The following G2E3 variants were observed in gnomAD, a reference collection of about 807,000 sequenced individuals.
G2E3 encodes G2/M phase-specific E3 ubiquitin-protein ligase.
In G2E3, 35 loss-of-function variants were observed where a neutral mutation model predicts 92.8. That is an observed-to-expected ratio of 0.38 (90% CI 0.29 to 0.50). The LOEUF (loss-of-function observed/expected upper bound fraction) is 0.50, where lower values mean the gene tolerates loss of function less well. Ranked by LOEUF, G2E3 falls within the 20% of genes least tolerant of loss-of-function variation. G2E3 has a pLI of 0.94. For missense variants in G2E3, 554 were observed against 823.8 expected (o/e 0.67, Z 4.01); for synonymous variants, 242 against 272.4 (o/e 0.89, Z 1.10).
At position 30,592,333 on chromosome 14, in the gene G2E3, T is replaced by C. The variant is rs1881056637; in HGVS notation, c.248T>C (p.Val83Ala). Residue 83 changes from valine (V) to alanine (A), a missense_variant, in exon 5 of 15, where the codon GTT becomes GCT. Coordinates refer to ENST00000206595, the MANE Select transcript of G2E3 (RefSeq NM_017769.5). ...VNRASKLKCC[V>A]CKKNGASIGC... is the part of the protein sequence containing the mutation. Reference sequence around the variant, plus strand: ...CACATACTCTTCTAGAAATGCTGTGTTTGCAAGAAAAATGGTGCTTCAATT... The same window carrying C: ...CACATACTCTTCTAGAAATGCTGTGCTTGCAAGAAAAATGGTGCTTCAATT... The C allele has an allele frequency of 6.2e-7, 1 of 1,612,774 alleles. No homozygotes were observed. Among genetic ancestry groups the C allele is most frequent in the Non-Finnish European group, 8.5e-7 (1 of 1,179,206 alleles).
At chr14:30,590,298 C>G (rs1009171353) in intron 4 of G2E3, among the ~76,000 whole-genome samples, 1 of 152,024 alleles carries the variant, frequency 6.6e-6, no homozygotes, top group Non-Finnish European at 1.5e-5. Context: ...GAAAGATTAT[C>G]CCATAAATGC....
At position 30,569,741 on chromosome 14, in the gene G2E3, AG is replaced by A. The variant is rs529230723; in HGVS notation, c.-5+10477del. ...AGTCAGGGTTAGGACCAGCTGGTGA[AG>A]GGGGGGGATTATATTACTTACTATC... On this transcript the variant is annotated intron_variant, in intron 1 of 14. Transcript: ENST00000206595. Among the ~76,000 whole-genome samples the A allele has an allele frequency of 9.2e-4, 140 of 151,866 alleles. 1 individual carries two copies. Among genetic ancestry groups the A allele is most frequent in the East Asian group, 8.1e-3 (42 of 5,158 alleles).
chr14:30,597,856 T>A (rs1301233909), intron 7 of G2E3, among the ~76,000 whole-genome samples: 1 of 152,248 alleles, frequency 6.6e-6, no homozygotes, highest in Non-Finnish European at 1.5e-5. Context: ...AGAATTTTTT[T>A]AATACTTAAA....
intron 1 of G2E3, among the ~76,000 whole-genome samples, chr14:30,577,240 A>G (rs1050765686): frequency 4.0e-5 from 6 of 148,328 alleles, no homozygotes; most frequent in Non-Finnish European, 7.4e-5. Flanking sequence ...AAAAAAAAAA[A>G]AAAGAAAAAG....
intron 10 of G2E3, among the ~76,000 whole-genome samples, 180 bp from the exon 11 acceptor site, chr14:30,605,325 T>C (rs545923293): frequency 6.6e-5 from 10 of 152,196 alleles, no homozygotes; most frequent in Non-Finnish European, 1.5e-4. Context: ...AAAACTAAGA[T>C]TATCAAATAA....
rs1189240379 is a variant in G2E3 at position 30,618,011 on chromosome 14, C to T, written c.*1477C>T. On this transcript the variant is annotated 3_prime_UTR_variant, in exon 15 of 15. Coordinates refer to ENST00000206595, the MANE Select transcript of G2E3 (RefSeq NM_017769.5). Reference sequence around the variant, plus strand: ...CAGGTGTCAGCTGTTGTATTCTCACCCTTCTTAAGAAAAATCATTACATTA... The same window carrying T: ...CAGGTGTCAGCTGTTGTATTCTCACTCTTCTTAAGAAAAATCATTACATTA... 1 of 151,796 alleles carries T rather than the reference C, an allele frequency of 6.6e-6. No homozygotes were observed. The highest frequency in any genetic ancestry group is 1.9e-4 in the East Asian group (1 of 5,188). The allele number at this position is 151,796 out of a possible 1,614,324, so 9.4% of individuals were successfully genotyped here.
chr14:30,592,003 G>A (rs910385107), intron 4 of G2E3, among the ~76,000 whole-genome samples: 3 of 151,974 alleles, frequency 2.0e-5, no homozygotes, highest in African/African-American at 7.2e-5. Flanking sequence ...AGGTGTTTAT[G>A]TATATAGCTT....
chr14:30,580,434 G>T (rs1880369341), intron 1 of G2E3, among the ~76,000 whole-genome samples: 1 of 152,150 alleles, frequency 6.6e-6, no homozygotes, highest in Non-Finnish European at 1.5e-5. Flanking sequence ...TCGAACTCCT[G>T]ACCTCAGGTG....
At chr14:30,592,571 A>G (rs968374044) in intron 5 of G2E3, 124 bp downstream of exon 5, 18 of 700,868 alleles carry the variant, frequency 2.6e-5, no homozygotes, top group Middle Eastern at 7.5e-4. Context: ...ATATAACATT[A>G]TATGTATTAC....
chr14:30,592,282 A>G (rs758760304), intron 4 of G2E3, 41 bp from the exon 5 acceptor site: 1 of 1,580,918 alleles, frequency 6.3e-7, no homozygotes, highest in Non-Finnish European at 8.7e-7. Flanking sequence ...TAATACTCAG[A>G]TTTTTTATGT....
At chr14:30,590,116 T>TA (rs1185232010) in intron 4 of G2E3, among the ~76,000 whole-genome samples, 1 of 152,064 alleles carries the variant, frequency 6.6e-6, no homozygotes, top group East Asian at 1.9e-4. Context: ...ATTGTCTAAG[T>TA]AAAAATAATG....
At chr14:30,581,183 G>A in intron 2 of G2E3, 67 bp downstream of exon 2, 1 of 845,498 alleles carries the variant, frequency 1.2e-6, no homozygotes, top group South Asian at 1.4e-5. Context: ...TAAACATTAG[G>A]ACTGAAGAGG....
At chr14:30,582,675 G>A (rs919740332) in intron 2 of G2E3, among the ~76,000 whole-genome samples, 1 of 152,190 alleles carries the variant, frequency 6.6e-6, no homozygotes, top group African/African-American at 2.4e-5. Context: ...GCTTACTGGT[G>A]TAGAATGTCC....
intron 2 of G2E3, among the ~76,000 whole-genome samples, chr14:30,584,057 G>T (rs1880576068): frequency 6.6e-6 from 1 of 152,108 alleles, no homozygotes; most frequent in Non-Finnish European, 1.5e-5. Flanking sequence ...CCACTAATCT[G>T]CTTTTTGTGT....
Position 30,605,599 on chromosome 14 carries a change from G to A in G2E3, c.1105G>A (p.Ala369Thr), listed in dbSNP as rs1881795940. 3.8e-6 allele frequency: 6 copies of A among 1,559,598 alleles called. No individual in the cohort carries two copies. Among genetic ancestry groups the A allele is most frequent in the Non-Finnish European group, 5.3e-6 (6 of 1,135,228 alleles). The change falls in exon 11 of 15, where the codon GCC (alanine) becomes ACC (threonine). Residue 369 changes from alanine to threonine, a missense_variant. Ala to Thr is a moderately conservative substitution (Grantham distance 58, BLOSUM62 0). Transcript: ENST00000206595. Reference sequence around the variant, plus strand: ...AACTAAAAGATTGTATATCAACAAAGCCAATATCTGGAATAGTGCCTTAGA... The same window carrying A: ...AACTAAAAGATTGTATATCAACAAAACCAATATCTGGAATAGTGCCTTAGA... ...KKTKRLYINK[A>T]NIWNSALDAF...
chr14:30,598,039 G>A (rs1881374602), intron 7 of G2E3: 2 of 158,984 alleles, frequency 1.3e-5, no homozygotes, highest in Non-Finnish European at 2.8e-5. Flanking sequence ...ATATCTTAAA[G>A]AGAATCCTGA....
At chr14:30,599,289 A>G (rs918605541) in intron 8 of G2E3, among the ~76,000 whole-genome samples, 3 of 152,116 alleles carry the variant, frequency 2.0e-5, no homozygotes, top group Non-Finnish European at 4.4e-5. Flanking sequence ...GTACAGTGGC[A>G]TGATCTCAGC....
At chr14:30,612,833 G>C (rs1037906508) in intron 13 of G2E3, among the ~76,000 whole-genome samples, 1 of 151,996 alleles carries the variant, frequency 6.6e-6, no homozygotes, top group African/African-American at 2.4e-5. Context: ...CTCCAGCCTG[G>C]GTGACAGAGC....
intron 6 of G2E3, among the ~76,000 whole-genome samples, chr14:30,593,848 A>G (rs1881140960): frequency 6.6e-6 from 1 of 152,158 alleles, no homozygotes; most frequent in South Asian, 2.1e-4. Context: ...AATACTTCAG[A>G]TGAAACTTTT....
Sources: gnomAD v4.1 joint callset for allele counts (sites outside exome capture counted in the v4.1 genomes callset) on GRCh38, gnomAD v4.1.1 for gene constraint, MANE v1.5 for transcripts, NCBI Gene and HGNC (gene_info 2026-07-23, HGNC 2026-07-21) for gene names.